The following SPAG1 variants were observed in gnomAD, a reference collection of about 807,000 sequenced individuals.
The protein encoded by SPAG1 is sperm associated antigen 1.
Under a neutral mutation model 100.5 loss-of-function variants are expected in SPAG1, and 69 were observed. The ratio of observed to expected loss-of-function variants is 0.69; its 90% CI spans 0.57 to 0.84. The LOEUF (loss-of-function observed/expected upper bound fraction) is 0.84. Among genes scored for constraint, SPAG1 ranks in the 40% least tolerant of loss-of-function variants. SPAG1 has a pLI of 0.00. For missense variants in SPAG1, 955 were observed against 1,133.1 expected (o/e 0.84, Z 2.26); for synonymous variants, 336 against 411.6 (o/e 0.82, Z 2.22).
Position 100,165,869 on chromosome 8 carries a change from C to T in SPAG1, c.196C>T (p.Gln66Ter), listed in dbSNP as rs1815526861. The T allele has an allele frequency of 6.2e-7, 1 of 1,614,006 alleles. No individual in the cohort carries two copies. Among genetic ancestry groups the T allele is most frequent in the Non-Finnish European group, 8.5e-7 (1 of 1,179,882 alleles). Reference protein sequence around the residue: ...ELTEFCEKHLQALAPESRALR... With the variant: ...ELTEFCEKHL The stretch of plus-strand genomic sequence containing the variant: ...TACAGAATTTTGTGAAAAGCATCTT[C>T]AAGCCTTGGCCCCTGAAAGCAGAGC... Residue 66 changes from glutamine (Q) to a stop codon, truncating the protein, a stop_gained, in exon 3 of 19, where the codon CAA (glutamine) becomes TAA (stop). Transcript: ENST00000388798. LOFTEE classifies it high-confidence loss of function.
At chr8:100,234,109 C>A (rs1818896543) in intron 16 of SPAG1, among the ~76,000 whole-genome samples, 5 of 152,176 alleles carry the variant, frequency 3.3e-5, no homozygotes, top group African/African-American at 9.7e-5. Flanking sequence ...CACACAGATT[C>A]TTCTGCATGG....
At chr8:100,187,470 A>G (rs1816633754) in intron 8 of SPAG1, among the ~76,000 whole-genome samples, 1 of 152,164 alleles carries the variant, frequency 6.6e-6, no homozygotes, top group African/African-American at 2.4e-5. Flanking sequence ...ATTTAATAAA[A>G]TACATATATA....
intron 14 of SPAG1, among the ~76,000 whole-genome samples, chr8:100,228,991 G>T (rs1297593853): frequency 6.6e-6 from 1 of 152,156 alleles, no homozygotes; most frequent in Non-Finnish European, 1.5e-5. Context: ...TGTAAATCAG[G>T]CTCAACTCAT....
Position 100,171,525 on chromosome 8 carries a change from A to G in SPAG1, c.300+5552A>G, listed in dbSNP as rs185539908. 4.7e-4 allele frequency among the ~76,000 whole-genome samples: 72 copies of G among 152,318 alleles called. 1 individual carries two copies. Among genetic ancestry groups the G allele is most frequent in the Admixed American group, 4.4e-3 (67 of 15,304 alleles). On this transcript the variant is annotated intron_variant, in intron 3 of 18. Coordinates refer to ENST00000388798, the MANE Select transcript of SPAG1 (RefSeq NM_003114.5). ...TGAATTCAATTTTTCAAATAGATAC[A>G]AGGCTGTTTAGGTTATCTTTAGAGC...
At chr8:100,231,518 G>C (rs1818766909) in intron 15 of SPAG1, among the ~76,000 whole-genome samples, 1 of 152,178 alleles carries the variant, frequency 6.6e-6, no homozygotes, top group Non-Finnish European at 1.5e-5. Context: ...GTCTGACATA[G>C]TTTGTGCCAC....
chr8:100,232,072 T>C (rs912197178), intron 15 of SPAG1, among the ~76,000 whole-genome samples: 3 of 152,284 alleles, frequency 2.0e-5, no homozygotes, highest in South Asian at 2.1e-4. Context: ...AGATTGTTGC[T>C]CAGGTACCGT....
At chr8:100,228,253 AT>A (rs748570372) in intron 14 of SPAG1, among the ~76,000 whole-genome samples, 3 of 152,024 alleles carry the variant, frequency 2.0e-5, no homozygotes, top group Non-Finnish European at 4.4e-5. Context: ...AAATAAGATT[AT>A]TGTTTACATT....
At chr8:100,192,792 A>G (rs1415326746) in intron 9 of SPAG1, among the ~76,000 whole-genome samples, 2 of 152,146 alleles carry the variant, frequency 1.3e-5, no homozygotes, top group Non-Finnish European at 2.9e-5. Context: ...TGGTGGGAAC[A>G]TGGCTCACTG....
At chr8:100,178,736 T>C (rs1275409980) in intron 4 of SPAG1, among the ~76,000 whole-genome samples, 1 of 152,236 alleles carries the variant, frequency 6.6e-6, no homozygotes, top group Non-Finnish European at 1.5e-5. Flanking sequence ...TTAGGAATTA[T>C]GCAGGTAATG....
intron 3 of SPAG1, among the ~76,000 whole-genome samples, chr8:100,176,393 T>C (rs1471645129): frequency 1.3e-5 from 2 of 150,904 alleles, no homozygotes; most frequent in Non-Finnish European, 3.0e-5. Context: ...TGAGACTGAG[T>C]CTTGCTCTGT....
chr8:100,200,660 C>T (rs1817237503), intron 10 of SPAG1, among the ~76,000 whole-genome samples: 1 of 152,216 alleles, frequency 6.6e-6, no homozygotes, highest in African/African-American at 2.4e-5. Flanking sequence ...GAGATGGTAT[C>T]TCATTGTGGT....
chr8:100,203,205 C>T (rs1817363207), intron 10 of SPAG1, among the ~76,000 whole-genome samples: 1 of 152,276 alleles, frequency 6.6e-6, no homozygotes, highest in South Asian at 2.1e-4. Flanking sequence ...GTGCTTCCTG[C>T]CCTCGAACAT....
At position 100,241,448 on chromosome 8, in the gene SPAG1, C is replaced by T. The variant is rs1242671553; in HGVS notation, c.*426C>T. The stretch of plus-strand genomic sequence containing the variant: ...ATCACTTATATCCTGCTAAGATACA[C>T]ATAAATCCCATTTTGTACTAGTACC... On this transcript the variant is annotated 3_prime_UTR_variant, in exon 19 of 19. Coordinates refer to ENST00000388798, the MANE Select transcript of SPAG1 (RefSeq NM_003114.5). This position sits in a 1 kb window ranked among gnomAD's most constrained non-coding sequence, Gnocchi z 5.1. 6.6e-6 allele frequency: 1 copy of T among 152,438 alleles called. No individual in the cohort carries two copies. The highest frequency in any genetic ancestry group is 2.4e-5 in the African/African-American group (1 of 41,424). 9.4% of individuals were successfully genotyped at this position (152,438 alleles called of 1,614,324 possible). A position where few individuals can be genotyped will look rare whatever the true frequency, so the allele number is the denominator to read the frequency against.
chr8:100,234,846 A>C (rs1024877064), intron 16 of SPAG1, among the ~76,000 whole-genome samples: 2 of 152,082 alleles, frequency 1.3e-5, no homozygotes, highest in African/African-American at 4.8e-5. Context: ...CTTAATTCTG[A>C]AGGTGATGGA....
chr8:100,229,150 G>A (rs1818649672), intron 14 of SPAG1, among the ~76,000 whole-genome samples: 1 of 151,684 alleles, frequency 6.6e-6, no homozygotes, highest in Non-Finnish European at 1.5e-5. Context: ...GCTCACGCCT[G>A]TAATCACAGC....
chr8:100,189,612 G>A (rs1486262156), intron 8 of SPAG1, among the ~76,000 whole-genome samples: 5 of 152,226 alleles, frequency 3.3e-5, no homozygotes, highest in Non-Finnish European at 4.4e-5. Flanking sequence ...CTGAGATCAC[G>A]CCACTGCACT....
chr8:100,233,076 C>T, intron 15 of SPAG1: 1 of 262,720 alleles, frequency 3.8e-6, no homozygotes, highest in Middle Eastern at 1.3e-3. Flanking sequence ...GGAAGTCTTC[C>T]CTGCCTGCTC....
intron 3 of SPAG1, among the ~76,000 whole-genome samples, chr8:100,166,790 C>T (rs1242629653): frequency 1.3e-5 from 2 of 151,930 alleles, no homozygotes; most frequent in Admixed American, 6.6e-5. Flanking sequence ...GTCTGTAATC[C>T]CAGCCATTCA....
At chr8:100,220,847 T>G (rs1586520909) in intron 13 of SPAG1, among the ~76,000 whole-genome samples, 1 of 151,850 alleles carries the variant, frequency 6.6e-6, no homozygotes, top group Non-Finnish European at 1.5e-5. Context: ...CCAAGGCGGG[T>G]GGATCACTTG....
Sources: gnomAD v4.1 joint callset for allele counts (sites outside exome capture counted in the v4.1 genomes callset) on GRCh38, gnomAD v4.1.1 for gene constraint, Gnocchi (gnomAD v3.1) non-coding constraint, MANE v1.5 for transcripts, NCBI Gene and HGNC (gene_info 2026-07-23, HGNC 2026-07-21) for gene names.